CLEC14A: variants seen among roughly 807,000 people sequenced by gnomAD.
The protein encoded by CLEC14A is C-type lectin domain family 14 member A.
For synonymous variants in CLEC14A, 349 were observed against 292.0 expected (o/e 1.20, Z -1.99); for missense variants, 682 against 659.9 (o/e 1.03, Z -0.37).
chr14:38,255,939 A>G lies in CLEC14A; in HGVS notation c.84T>C (p.Arg28=), dbSNP rs1455267286. 1 of 1,564,648 alleles carries G rather than the reference A, an allele frequency of 6.4e-7. No individual in the cohort carries two copies. The change falls in exon 1 of 1, where the codon CGT becomes CGC. Residue 28 remains arginine (R), a synonymous_variant. Coordinates refer to ENST00000342213, the MANE Select transcript of CLEC14A (RefSeq NM_175060.3). The surrounding 1 kb of genome is among the most constrained non-coding windows in gnomAD (Gnocchi z 5.1). ...AGGCCCCCGAGGCCGAGCAGCCAGC[A>G]CGGTCGGCAGTGGGGTGTTCGCCGC... is the stretch of plus-strand genomic sequence containing the variant. The part of the protein sequence containing the change: ...PGGGEHPTAD[R]AGCSASGACY...
rs761468083 is a variant in CLEC14A, at chr14:38,254,909, G to C, written c.1114C>G (p.Pro372Ala). The C allele has an allele frequency of 5.0e-6, 8 of 1,614,186 alleles. No homozygotes were observed. The East Asian group carries it at 1.1e-4, about 22-fold the overall frequency. The change falls in exon 1 of 1, where the codon CCA becomes GCA. Residue 372 changes from proline (P) to alanine (A), a missense_variant. Physicochemically the swap from Pro to Ala is conservative, Grantham distance 27 (BLOSUM62 -1). Coordinates refer to ENST00000342213, the MANE Select transcript of CLEC14A (RefSeq NM_175060.3). The stretch of plus-strand genomic sequence containing the variant: ...AACTTGGAAATCACGCTCCCTGATG[G>C]GGTGATAGTGGCCTTTGACTCGGCT... The part of the protein sequence containing the change: ...LQAESKATIT[P>A]SGSVISKFNS...
At position 38,256,077 on chromosome 14, in the gene CLEC14A, G is replaced by A; in HGVS notation, c.-55C>T. 2.1e-6 allele frequency: 3 copies of A among 1,440,264 alleles called. No individual in the cohort carries two copies. The highest frequency in any genetic ancestry group is 2.7e-6 in the Non-Finnish European group (3 of 1,095,164). 89.2% of individuals were successfully genotyped at this position (1,440,264 alleles called of 1,614,324 possible). A position where few individuals can be genotyped will look rare whatever the true frequency, so the allele number is the denominator to read the frequency against. ...CCAACTTGGATCTGTCCCGCTCGAG[G>A]ACGCAGAGCTGTGTCTGGAGCGCGG... is the stretch of plus-strand genomic sequence containing the variant. On this transcript the variant is annotated 5_prime_UTR_variant, in exon 1 of 1. Coordinates refer to ENST00000342213, the MANE Select transcript of CLEC14A (RefSeq NM_175060.3).
chr14:38,255,291 A>T lies in CLEC14A; in HGVS notation c.732T>A (p.Cys244Ter), dbSNP rs1884023893. ...RWDKLSGDVL[C>*]PCPGRYLRAG... ...CACGGAGGTACCTCCCGGGGCAGGGACACAACACATCGCCCGAGAGTTTGT... is the reference window on the plus strand; with the variant it reads ...CACGGAGGTACCTCCCGGGGCAGGGTCACAACACATCGCCCGAGAGTTTGT... The change falls in exon 1 of 1, where the codon TGT (cysteine) becomes TGA (stop). Residue 244 changes from cysteine (C) to a stop codon, truncating the protein, a stop_gained. Coordinates refer to ENST00000342213, the MANE Select transcript of CLEC14A (RefSeq NM_175060.3). LOFTEE classifies it low-confidence loss of function (END_TRUNC). The surrounding 1 kb of genome is among the most constrained non-coding windows in gnomAD (Gnocchi z 5.1). 1 of 1,613,608 alleles carries T rather than the reference A, an allele frequency of 6.2e-7. No homozygotes were observed. The highest frequency in any genetic ancestry group is 8.5e-7 in the Non-Finnish European group (1 of 1,180,028).
Position 38,254,673 on chromosome 14 carries a change from A to G in CLEC14A, c.1350T>C (p.Ala450=). The G allele has an allele frequency of 6.2e-7, 1 of 1,614,174 alleles. No individual in the cohort carries two copies. The highest frequency in any genetic ancestry group is 8.5e-7 in the Non-Finnish European group (1 of 1,180,012). Residue 450 remains alanine (A), a synonymous_variant, in exon 1 of 1, where the codon GCT becomes GCC. Transcript: ENST00000342213. ...PPGLESDPEP[A]ALGSSSAHCT... is the part of the protein sequence containing the mutation. ...AATGTGCAGAACTGGAGCCCAAAGC[A>G]GCGGGCTCAGGATCACTCTCCAGGC...
chr14:38,255,128 T>TCC lies in CLEC14A; in HGVS notation c.893_894dup (p.Thr299GlyfsTer43). ...GGCGGGCGCCTGGTGGGCACCCCGG[T>TCC]CCCCCCAAGGGTCGGCTGTCCTTCC... is the stretch of plus-strand genomic sequence containing the variant. On this transcript the variant is annotated frameshift_variant, in exon 1 of 1. Transcript: ENST00000342213. LOFTEE classifies it low-confidence loss of function (END_TRUNC). The surrounding 1 kb of genome is among the most constrained non-coding windows in gnomAD (Gnocchi z 5.1). 6.2e-7 allele frequency: 1 copy of TCC among 1,612,472 alleles called. No individual in the cohort carries two copies.
rs1952562 is a variant in CLEC14A, at chr14:38,254,070, A to T, written c.*480T>A. 55,311 of 152,096 alleles carry T rather than the reference A, an allele frequency of 0.36. 10,982 individuals carry two copies. Among genetic ancestry groups the T allele is most frequent in the East Asian group, 0.45 (2,346 of 5,158 alleles). 9.4% of individuals were successfully genotyped at this position (152,096 alleles called of 1,614,324 possible). ...CCCAGCATGCCCTCAGCTGTTCCTA[A>T]TTACTCCTGGAGGAAGGCAATGATA... On this transcript the variant is annotated 3_prime_UTR_variant, in exon 1 of 1. Coordinates refer to ENST00000342213, the MANE Select transcript of CLEC14A (RefSeq NM_175060.3).
In CLEC14A at chr14:38,254,956, G is replaced by C. The variant is rs779483782; in HGVS notation, c.1067C>G (p.Ser356Cys). ...IPRWGSQSTM[S>C]TLQMSLQAES... is the part of the protein sequence containing the mutation. ...GGCTTGAAGGGACATTTGAAGGGTAGACATCGTGCTCTGTGATCCCCATCG... is the reference window on the plus strand; with the variant it reads ...GGCTTGAAGGGACATTTGAAGGGTACACATCGTGCTCTGTGATCCCCATCG... The change falls in exon 1 of 1, where the codon TCT (serine) becomes TGT (cysteine). Residue 356 changes from serine to cysteine, a missense_variant. Transcript: ENST00000342213. 1.2e-6 allele frequency: 2 copies of C among 1,614,078 alleles called. No individual in the cohort carries two copies. Among genetic ancestry groups the C allele is most frequent in the African/African-American group, 1.3e-5 (1 of 74,920 alleles).
Position 38,254,703 on chromosome 14 carries a change from C to G in CLEC14A, c.1320G>C (p.Pro440=). Residue 440 remains proline (P), a synonymous_variant, in exon 1 of 1, where the codon CCG becomes CCC. Coordinates refer to ENST00000342213, the MANE Select transcript of CLEC14A (RefSeq NM_175060.3). ...SSQPRKESMG[P]PGLESDPEPA... ...GCTCAGGATCACTCTCCAGGCCCGG[C>G]GGGCCCATAGACTCCTTCCTTGGCT... is the stretch of plus-strand genomic sequence containing the variant. 2 of 1,614,102 alleles carry G rather than the reference C, an allele frequency of 1.2e-6. No homozygotes were observed. The highest frequency in any genetic ancestry group is 8.5e-7 in the Non-Finnish European group (1 of 1,180,018).
Position 38,254,912 on chromosome 14 carries a change from T to C in CLEC14A, c.1111A>G (p.Thr371Ala). ...TTGGAAATCACGCTCCCTGATGGGG[T>C]GATAGTGGCCTTTGACTCGGCTTGA... ...SLQAESKATITPSGSVISKFN... is the reference protein window; with the variant it reads ...SLQAESKATIAPSGSVISKFN... Residue 371 changes from threonine (T) to alanine (A), a missense_variant, in exon 1 of 1, where the codon ACC becomes GCC. Thr to Ala is a moderately conservative substitution (Grantham distance 58, BLOSUM62 0). Coordinates refer to ENST00000342213, the MANE Select transcript of CLEC14A (RefSeq NM_175060.3). 6.2e-7 allele frequency: 1 copy of C among 1,613,978 alleles called. No individual in the cohort carries two copies. Among genetic ancestry groups the C allele is most frequent in the Non-Finnish European group, 8.5e-7 (1 of 1,179,974 alleles).
rs182049277 is a variant in CLEC14A, at chr14:38,254,652, T to C, written c.1371A>G (p.Ala457=). ...PEPAALGSSS[A]HCTNNGVKVG... ...CTTTCACCCCATTGTTTGTGCAATG[T>C]GCAGAACTGGAGCCCAAAGCAGCGG... The change falls in exon 1 of 1, where the codon GCA becomes GCG. Residue 457 remains alanine (A), a synonymous_variant. Transcript: ENST00000342213. 6.2e-6 allele frequency: 10 copies of C among 1,614,112 alleles called. No individual in the cohort carries two copies. The East Asian group carries it at 2.2e-4, about 36-fold the overall frequency.
chr14:38,254,393 T>A lies in CLEC14A; in HGVS notation c.*157A>T. Reference sequence around the variant, plus strand: ...ACTTCCTCTATCATCAGGGAAGGAGTGTGCAGTTCTGATTTAGCTCCTCAG... The same window carrying A: ...ACTTCCTCTATCATCAGGGAAGGAGAGTGCAGTTCTGATTTAGCTCCTCAG... On this transcript the variant is annotated 3_prime_UTR_variant, in exon 1 of 1. Coordinates refer to ENST00000342213, the MANE Select transcript of CLEC14A (RefSeq NM_175060.3). 1.6e-5 allele frequency: 10 copies of A among 613,748 alleles called. No individual in the cohort carries two copies. Among genetic ancestry groups the A allele is most frequent in the Non-Finnish European group, 2.7e-5 (10 of 369,974 alleles). The allele number at this position is 613,748 out of a possible 1,614,324, so 38.0% of individuals were successfully genotyped here. A position where few individuals can be genotyped will look rare whatever the true frequency, so the allele number is the denominator to read the frequency against.
rs1260345751 is a variant in CLEC14A, at chr14:38,255,565, T to C, written c.458A>G (p.Glu153Gly). The change falls in exon 1 of 1, where the codon GAG becomes GGG. Residue 153 changes from glutamate to glycine, a missense_variant. Transcript: ENST00000342213. This position sits in a 1 kb window ranked among gnomAD's most constrained non-coding sequence, Gnocchi z 5.1. ...TCGCATCTCCTTCCAGCCTGCGGGC[T>C]CGACCCCACCGGTGGCCTGGAGTAC... ...CAVLQATGGV[E>G]PAGWKEMRCH... 6.2e-7 allele frequency: 1 copy of C among 1,612,978 alleles called. No homozygotes were observed. The highest frequency in any genetic ancestry group is 8.5e-7 in the Non-Finnish European group (1 of 1,179,970).
In CLEC14A at chr14:38,255,767, C is replaced by G; in HGVS notation, c.256G>C (p.Gly86Arg). The change falls in exon 1 of 1, where the codon GGC (glycine) becomes CGC (arginine). Residue 86 changes from glycine (G) to arginine (R), a missense_variant. Physicochemically the swap from Gly to Arg is moderately radical, Grantham distance 125 (BLOSUM62 -2). Transcript: ENST00000342213. The surrounding 1 kb of genome is among the most constrained non-coding windows in gnomAD (Gnocchi z 5.1). ...ACCCAGAACAGCAGGTCTTTGGAGC[C>G]CCCTCCGGGCCCTGGGCCTGCCCGC... ...LLRAGPGPGG[G>R]SKDLLFWVAL... The G allele has an allele frequency of 1.3e-6, 2 of 1,545,804 alleles. No homozygotes were observed. Among genetic ancestry groups the G allele is most frequent in the Non-Finnish European group, 1.7e-6 (2 of 1,149,348 alleles).
At position 38,254,852 on chromosome 14, in the gene CLEC14A, C is replaced by T; in HGVS notation, c.1171G>A (p.Ala391Thr). 1 of 1,614,084 alleles carries T rather than the reference C, an allele frequency of 6.2e-7. No individual in the cohort carries two copies. The highest frequency in any genetic ancestry group is 8.5e-7 in the Non-Finnish European group (1 of 1,180,014). Residue 391 changes from alanine to threonine, a missense_variant, in exon 1 of 1, where the codon GCT becomes ACT. By Grantham distance (58) the Ala-to-Thr change is moderately conservative. Coordinates refer to ENST00000342213, the MANE Select transcript of CLEC14A (RefSeq NM_175060.3). Reference sequence around the variant, plus strand: ...ACCACGGCAGAGGAGGAGTCGAAAGCCTGAGGAGTGGCAGAGGAAGTCGTA... The same window carrying T: ...ACCACGGCAGAGGAGGAGTCGAAAGTCTGAGGAGTGGCAGAGGAAGTCGTA... ...NSTTSSATPQ[A>T]FDSSSAVVFI... is the part of the protein sequence containing the mutation.
Position 38,255,480 on chromosome 14 carries a change from C to G in CLEC14A, c.543G>C (p.Ala181=). The G allele has an allele frequency of 6.2e-7, 1 of 1,613,116 alleles. No homozygotes were observed. Among genetic ancestry groups the G allele is most frequent in the East Asian group, 2.2e-5 (1 of 44,840 alleles). The stretch of plus-strand genomic sequence containing the variant: ...AGTTAGAGGCGGCCCCGGGGCGCGG[C>G]GCAGGACACAAGACCTCAAACTGGT... ...CKYQFEVLCP[A]PRPGAASNLS... The change falls in exon 1 of 1, where the codon GCG becomes GCC. Residue 181 remains alanine, a synonymous_variant. Transcript: ENST00000342213. The surrounding 1 kb of genome is among the most constrained non-coding windows in gnomAD (Gnocchi z 5.1).
At position 38,254,627 on chromosome 14, in the gene CLEC14A, C is replaced by T. The variant is rs768966262; in HGVS notation, c.1396G>A (p.Val466Ile). The change falls in exon 1 of 1, where the codon GTC (valine) becomes ATC (isoleucine). Residue 466 changes from valine to isoleucine, a missense_variant. Physicochemically the swap from Val to Ile is conservative, Grantham distance 29. Coordinates refer to ENST00000342213, the MANE Select transcript of CLEC14A (RefSeq NM_175060.3). ...SAHCTNNGVK[V>I]GDCDLRDRAE... ...CTGTCCCGCAGATCACAGTCCCCGA[C>T]TTTCACCCCATTGTTTGTGCAATGT... The T allele has an allele frequency of 3.8e-5, 62 of 1,614,040 alleles. No homozygotes were observed. The highest frequency in any genetic ancestry group is 2.8e-4 in the Admixed American group (17 of 60,004).
At position 38,255,073 on chromosome 14, in the gene CLEC14A, C is replaced by T. The variant is rs764064394; in HGVS notation, c.950G>A (p.Arg317Lys). ...CTCGTCGACCCTGATTGGCCATGTTCTCTGCGGCACGGGGCTGGTTGCAGT... is the reference window on the plus strand; with the variant it reads ...CTCGTCGACCCTGATTGGCCATGTTTTCTGCGGCACGGGGCTGGTTGCAGT... ...PATATSPVPQ[R>K]TWPIRVDEKL... Residue 317 changes from arginine (R) to lysine (K), a missense_variant, in exon 1 of 1, where the codon AGA becomes AAA. Transcript: ENST00000342213. This position sits in a 1 kb window ranked among gnomAD's most constrained non-coding sequence, Gnocchi z 5.1. 1.2e-6 allele frequency: 2 copies of T among 1,612,832 alleles called. No individual in the cohort carries two copies. The highest frequency in any genetic ancestry group is 1.7e-6 in the Non-Finnish European group (2 of 1,180,010).
Position 38,255,326 on chromosome 14 carries a change from C to G in CLEC14A, c.697G>C (p.Ala233Pro), listed in dbSNP as rs558964656. 1 of 1,613,592 alleles carries G rather than the reference C, an allele frequency of 6.2e-7. No individual in the cohort carries two copies. Among genetic ancestry groups the G allele is most frequent in the South Asian group, 1.1e-5 (1 of 91,076 alleles). ...TCGCCCGAGAGTTTGTCCCAGCGAGCGCCGATTTCGTCCGCGATGCAAGTA... is the reference window on the plus strand; with the variant it reads ...TCGCCCGAGAGTTTGTCCCAGCGAGGGCCGATTTCGTCCGCGATGCAAGTA... ...SVTCIADEIG[A>P]RWDKLSGDVL... The change falls in exon 1 of 1, where the codon GCT becomes CCT. Residue 233 changes from alanine (A) to proline (P), a missense_variant. Ala to Pro is a conservative substitution (Grantham distance 27). Coordinates refer to ENST00000342213, the MANE Select transcript of CLEC14A (RefSeq NM_175060.3). The surrounding 1 kb of genome is among the most constrained non-coding windows in gnomAD (Gnocchi z 5.1).
At position 38,254,915 on chromosome 14, in the gene CLEC14A, T is replaced by C. The variant is rs765253102; in HGVS notation, c.1108A>G (p.Ile370Val). ...GAAATCACGCTCCCTGATGGGGTGA[T>C]AGTGGCCTTTGACTCGGCTTGAAGG... ...MSLQAESKAT[I>V]TPSGSVISKF... Residue 370 changes from isoleucine (I) to valine (V), a missense_variant, in exon 1 of 1, where the codon ATC (isoleucine) becomes GTC (valine). By Grantham distance (29) the Ile-to-Val change is conservative (BLOSUM62 3). Transcript: ENST00000342213. 6.2e-7 allele frequency: 1 copy of C among 1,614,194 alleles called. No individual in the cohort carries two copies. Among genetic ancestry groups the C allele is most frequent in the East Asian group, 2.2e-5 (1 of 44,870 alleles).
Sources: allele counts gnomAD v4.1 joint callset, GRCh38; gene constraint gnomAD v4.1.1; non-coding constraint Gnocchi (gnomAD v3.1); transcripts MANE v1.5; gene names NCBI Gene and HGNC (gene_info 2026-07-23, HGNC 2026-07-21).